The following ZNF536 variants were observed in gnomAD, a reference collection of about 807,000 sequenced individuals.
ZNF536 encodes zinc finger protein 536.
A neutral mutation model predicts 84.5 loss-of-function variants in ZNF536; 13 were observed. That is an observed-to-expected ratio of 0.15 (90% CI 0.10 to 0.24). The LOEUF is 0.24. Among genes scored for constraint, ZNF536 ranks in the 10% least tolerant of loss-of-function variants. ZNF536 has a pLI of 1.00. For missense variants in ZNF536, 1,536 were observed against 1,747.5 expected (o/e 0.88, Z 2.16); for synonymous variants, 811 against 742.5 (o/e 1.09, Z -1.50).
intron 1 of ZNF536, among the ~76,000 whole-genome samples, chr19:30,601,815 C>T (rs796387001): frequency 3.9e-5 from 6 of 152,278 alleles, no homozygotes; most frequent in South Asian, 2.1e-4. Context: ...CTGCAGTTTG[C>T]TTGTGTGATG....
chr19:30,522,964 C>T (rs561826391), intron 2 of ZNF536, among the ~76,000 whole-genome samples: 1 of 152,300 alleles, frequency 6.6e-6, no homozygotes, highest in South Asian at 2.1e-4. Context: ...TAAAGATTGT[C>T]ATCTATGCGA....
At chr19:30,588,866 A>G (rs2146766604) in intron 1 of ZNF536, among the ~76,000 whole-genome samples, 1 of 152,328 alleles carries the variant, frequency 6.6e-6, no homozygotes, top group East Asian at 1.9e-4. Flanking sequence ...AAAAAGAATT[A>G]GTTATTTTTT....
chr19:30,610,600 A>G (rs774468121), intron 1 of ZNF536, among the ~76,000 whole-genome samples: 6 of 152,198 alleles, frequency 3.9e-5, no homozygotes, highest in Non-Finnish European at 7.3e-5. Flanking sequence ...GAAGAAATGG[A>G]TCTTCATGTC....
At chr19:30,582,064 C>T (rs1367457220) in intron 1 of ZNF536, among the ~76,000 whole-genome samples, 2 of 152,162 alleles carry the variant, frequency 1.3e-5, no homozygotes, top group Admixed American at 6.5e-5. Context: ...TGAGGGTCCG[C>T]GGTCCTGCTT....
At chr19:30,650,385 C>G (rs2147444626) in intron 1 of ZNF536, among the ~76,000 whole-genome samples, 1 of 152,312 alleles carries the variant, frequency 6.6e-6, no homozygotes. Context: ...TGGCCTAGAA[C>G]TAAATGTGCT....
chr19:30,557,238 G>C lies in ZNF536; in HGVS notation c.*74G>C, dbSNP rs1457320831. The C allele has an allele frequency of 1.3e-6, 2 of 1,531,252 alleles. No homozygotes were observed. Among genetic ancestry groups the C allele is most frequent in the Non-Finnish European group, 1.8e-6 (2 of 1,107,306 alleles). 94.9% of individuals were successfully genotyped at this position (1,531,252 alleles called of 1,614,324 possible). ...GGTCCTCGGTGGTTATCTGCAGCTT[G>C]TTAATCGTGTAAAGTCAAGAGAAGA... On this transcript the variant is annotated 3_prime_UTR_variant, in exon 5 of 5. Transcript: ENST00000355537.
chr19:30,256,643 G>C (rs1019951832), intron 1 of ZNF536, among the ~76,000 whole-genome samples: 1 of 152,100 alleles, frequency 6.6e-6, no homozygotes, highest in Non-Finnish European at 1.5e-5. Flanking sequence ...GTCATATCAT[G>C]GAGATTTTTA....
rs146953694 is a variant in ZNF536 at position 30,507,901 on chromosome 19, A to C, written c.2171-26946A>C. 5.3e-4 allele frequency among the ~76,000 whole-genome samples: 80 copies of C among 152,146 alleles called. No homozygotes were observed. The East Asian group carries it at 7.9e-3, about 15-fold the overall frequency. On this transcript the variant is annotated intron_variant, in intron 2 of 4. Coordinates refer to ENST00000355537, the MANE Select transcript of ZNF536 (RefSeq NM_014717.3). ...GCTTTTTTCTTTCTCAGGTATTATC[A>C]CATTTAGTTATCTGAGTAATTATTT...
chr19:30,358,389 C>G (rs2048165589), intron 3 of ZNF536, among the ~76,000 whole-genome samples: 1 of 152,180 alleles, frequency 6.6e-6, no homozygotes, highest in Non-Finnish European at 1.5e-5. Context: ...CAGGCAGATC[C>G]AGACAGTTTG....
intron 1 of ZNF536, among the ~76,000 whole-genome samples, chr19:30,416,161 C>G (rs753013884): frequency 2.0e-4 from 31 of 152,132 alleles, no homozygotes; most frequent in Non-Finnish European, 4.1e-4. Context: ...ATTTCCAACA[C>G]TTTTTTGTCT....
At chr19:30,426,945 A>G (rs1397911791) in intron 1 of ZNF536, among the ~76,000 whole-genome samples, 3 of 152,070 alleles carry the variant, frequency 2.0e-5, no homozygotes, top group South Asian at 4.2e-4. Context: ...CCACTCATCT[A>G]TCTATCTGCT....
chr19:30,525,990 A>G (rs2044558761), intron 2 of ZNF536, among the ~76,000 whole-genome samples: 1 of 152,188 alleles, frequency 6.6e-6, no homozygotes, highest in Non-Finnish European at 1.5e-5. Context: ...TGTTCCCAGG[A>G]GATGGCAGCG....
chr19:30,678,601 T>C (rs935498727), intron 1 of ZNF536, among the ~76,000 whole-genome samples: 2 of 152,140 alleles, frequency 1.3e-5, no homozygotes, highest in Non-Finnish European at 2.9e-5. Flanking sequence ...ATGATATTGC[T>C]CTTGAAACTG....
intron 2 of ZNF536, among the ~76,000 whole-genome samples, chr19:30,285,038 G>A (rs185133769): frequency 1.3e-5 from 2 of 152,208 alleles, no homozygotes; most frequent in East Asian, 3.9e-4. Flanking sequence ...CACACAATGG[G>A]TAATTTATAT....
chr19:30,382,196 C>T (rs530566671), intron 1 of ZNF536, among the ~76,000 whole-genome samples: 10 of 152,226 alleles, frequency 6.6e-5, no homozygotes, highest in African/African-American at 2.2e-4. Context: ...TTATGGCTAG[C>T]GACAGACACA....
At chr19:30,419,624 A>C (rs1341410587) in intron 1 of ZNF536, among the ~76,000 whole-genome samples, 4 of 152,220 alleles carry the variant, frequency 2.6e-5, no homozygotes, top group Non-Finnish European at 4.4e-5. Context: ...ATTCTACCCA[A>C]GACAGATAAA....
At chr19:30,651,095 G>A (rs534388973) in intron 1 of ZNF536, among the ~76,000 whole-genome samples, 11 of 152,296 alleles carry the variant, frequency 7.2e-5, no homozygotes, top group Non-Finnish European at 1.5e-4. Context: ...CAACAGCTGC[G>A]CCACATAAAG....
intron 3 of ZNF536, among the ~76,000 whole-genome samples, chr19:30,537,348 G>A (rs970034830): frequency 6.6e-6 from 1 of 152,350 alleles, no homozygotes; most frequent in African/African-American, 2.4e-5. Context: ...CAGGATACGG[G>A]AGGTGGTCCA....
chr19:30,451,844 G>T (rs989230588), intron 2 of ZNF536, among the ~76,000 whole-genome samples: 2 of 152,196 alleles, frequency 1.3e-5, no homozygotes, highest in Non-Finnish European at 1.5e-5. Flanking sequence ...GCATGTTAGC[G>T]CAAGGGACGG....
Sources: gnomAD v4.1 joint callset for allele counts (sites outside exome capture counted in the v4.1 genomes callset) on GRCh38, gnomAD v4.1.1 for gene constraint, MANE v1.5 for transcripts, NCBI Gene and HGNC (gene_info 2026-07-23, HGNC 2026-07-21) for gene names.